IKZF1: variants seen among roughly 807,000 people sequenced by gnomAD.
IKZF1 encodes IKAROS family zinc finger 1, also known as DNA-binding protein Ikaros.
In IKZF1, 10 loss-of-function variants were observed where a neutral mutation model predicts 51.7. That is an observed-to-expected ratio of 0.19 (90% confidence interval 0.12 to 0.33). The LOEUF (loss-of-function observed/expected upper bound fraction) is 0.33. Among genes scored for constraint, IKZF1 ranks in the 10% least tolerant of loss-of-function variants. The probability of loss-of-function intolerance (pLI) is 1.00; values close to 1 mark genes in which losing one functional copy is unlikely to be tolerated. For missense variants in IKZF1, 484 were observed against 707.5 expected, an observed-to-expected ratio of 0.68 and a Z score of 3.58; for synonymous variants, 280 against 282.3, an observed-to-expected ratio of 0.99 and a Z score of 0.08.
At chr7:50,359,139 T>C (rs991351640) in intron 3 of IKZF1, among the ~76,000 whole-genome samples, 3 of 152,090 alleles carry the variant, frequency 2.0e-5, no homozygotes, top group Non-Finnish European at 2.9e-5. Context: ...CATATTCCAA[T>C]AGTTCCAGGC....
intron 3 of IKZF1, among the ~76,000 whole-genome samples, chr7:50,363,977 A>G (rs879749065): frequency 6.6e-6 from 1 of 152,266 alleles, no homozygotes; most frequent in African/African-American, 2.4e-5. Flanking sequence ...ATAATAGACT[A>G]GTGATCTCAC....
intron 3 of IKZF1, among the ~76,000 whole-genome samples, chr7:50,347,803 A>T (rs1160810706): frequency 2.6e-5 from 4 of 152,228 alleles, no homozygotes; most frequent in Non-Finnish European, 2.9e-5. Flanking sequence ...ATCGATACGG[A>T]AAGATTTCTT....
chr7:50,397,285 C>T (rs758206663), intron 7 of IKZF1, among the ~76,000 whole-genome samples: 4 of 152,200 alleles, frequency 2.6e-5, no homozygotes, highest in African/African-American at 9.7e-5. Context: ...CTATACATGA[C>T]ATGTTCCTTT....
chr7:50,358,712 C>G (rs1804271234), intron 3 of IKZF1, among the ~76,000 whole-genome samples: 1 of 152,026 alleles, frequency 6.6e-6, no homozygotes, highest in African/African-American at 2.4e-5. Context: ...ATAACATATG[C>G]CTAGCATTTA....
At chr7:50,319,946 G>T (rs963638514) in intron 2 of IKZF1, among the ~76,000 whole-genome samples, 1 of 152,194 alleles carries the variant, frequency 6.6e-6, no homozygotes, top group Admixed American at 6.5e-5. Flanking sequence ...GGACCTATGT[G>T]TGGCTGCTCC....
At chr7:50,342,984 C>G (rs1799416445) in intron 3 of IKZF1, among the ~76,000 whole-genome samples, 1 of 152,176 alleles carries the variant, frequency 6.6e-6, no homozygotes, top group East Asian at 1.9e-4. Context: ...TTTGCTTGCC[C>G]TTTTGTTTCT....
Position 50,400,076 on chromosome 7 carries a change from G to C in IKZF1, c.1009G>C (p.Gly337Arg). 5 of 1,584,626 alleles carry C rather than the reference G, an allele frequency of 3.2e-6. No individual in the cohort carries two copies. The highest frequency in any genetic ancestry group is 4.3e-6 in the Non-Finnish European group (5 of 1,167,414). ...CCCGCTGGTGCAGACGCCCCCGGGC[G>C]GTTCCGAGGTGGTCCCGGTCATCAG... ...LRPLVQTPPG[G>R]SEVVPVISPM... Residue 337 changes from glycine to arginine, a missense_variant, in exon 8 of 8, where the codon GGT becomes CGT. Gly to Arg is a moderately radical substitution (Grantham distance 125, BLOSUM62 -2). Transcript: ENST00000331340. This position sits in a 1 kb window ranked among gnomAD's most constrained non-coding sequence, Gnocchi z 5.4.
rs943633075 is a variant in IKZF1 at position 50,402,061 on chromosome 7, C to T, written c.*1434C>T. ...ACTGCAGGTGAGAACCCCGCCCATC[C>T]GTGCTATGACATGGAGGCACTGAAG... On this transcript the variant is annotated 3_prime_UTR_variant, in exon 8 of 8. Coordinates refer to ENST00000331340, the MANE Select transcript of IKZF1 (RefSeq NM_006060.6). The T allele has an allele frequency of 1.7e-5, 4 of 230,284 alleles. No individual in the cohort carries two copies. The highest frequency in any genetic ancestry group is 8.8e-5 in the African/African-American group (4 of 45,282). The allele number at this position is 230,284 out of a possible 1,614,324, so 14.3% of individuals were successfully genotyped here.
rs1301862364 is a variant in IKZF1, at chr7:50,400,585, G to C, written c.1518G>C (p.Ser506=). 1.9e-6 allele frequency: 3 copies of C among 1,613,180 alleles called. No individual in the cohort carries two copies. The South Asian group carries it at 3.3e-5, about 18-fold the overall frequency. ...GYHSQDRYEF[S]SHITRGEHRF... ...ACAGCCAGGACCGGTACGAGTTCTC[G>C]TCGCACATAACGCGAGGGGAGCACC... Residue 506 remains serine, a synonymous_variant, in exon 8 of 8, where the codon TCG becomes TCC. Transcript: ENST00000331340. The surrounding 1 kb of genome is among the most constrained non-coding windows in gnomAD (Gnocchi z 5.4).
chr7:50,388,370 A>G (rs989660520), intron 6 of IKZF1: 1 of 152,246 alleles, frequency 6.6e-6, no homozygotes, highest in African/African-American at 2.4e-5. Context: ...AAAAGGGAAA[A>G]TTCACCAGAG....
At position 50,319,658 on chromosome 7, in the gene IKZF1, G is replaced by A. The variant is rs1242834943; in HGVS notation, c.40+557G>A. The stretch of plus-strand genomic sequence containing the variant: ...TTTGGCAGCACTGAGGGTGGACGGC[G>A]AGCCAGTCCAACAAAACCGCACAGT... On this transcript the variant is annotated intron_variant, in intron 2 of 7. Coordinates refer to ENST00000331340, the MANE Select transcript of IKZF1 (RefSeq NM_006060.6). 2.0e-5 allele frequency among the ~76,000 whole-genome samples: 3 copies of A among 152,292 alleles called. 1 individual carries two copies. The highest frequency in any genetic ancestry group is 1.3e-4 in the Admixed American group (2 of 15,304).
chr7:50,322,915 T>C (rs1793801779), intron 2 of IKZF1, among the ~76,000 whole-genome samples: 1 of 152,182 alleles, frequency 6.6e-6, no homozygotes, highest in African/African-American at 2.4e-5. Flanking sequence ...AGATATTGGA[T>C]ATTGGTTTAA....
chr7:50,384,135 G>A (rs546722317), intron 5 of IKZF1, among the ~76,000 whole-genome samples: 1 of 152,346 alleles, frequency 6.6e-6, no homozygotes, highest in East Asian at 1.9e-4. Context: ...CATGCTGGAA[G>A]GCGAGTGTCT....
intron 3 of IKZF1, among the ~76,000 whole-genome samples, chr7:50,333,551 T>G (rs1796890759): frequency 6.6e-6 from 1 of 152,088 alleles, no homozygotes; most frequent in East Asian, 1.9e-4. Flanking sequence ...TAAACCCCAT[T>G]TTAGCTGGGG....
At chr7:50,324,748 T>C (rs1273441142) in intron 2 of IKZF1, among the ~76,000 whole-genome samples, 1 of 152,200 alleles carries the variant, frequency 6.6e-6, no homozygotes, top group Admixed American at 6.5e-5. Flanking sequence ...TTCTCATAGA[T>C]ACAGCAGTTA....
At chr7:50,364,304 T>G (rs1336529563) in intron 3 of IKZF1, among the ~76,000 whole-genome samples, 1 of 152,220 alleles carries the variant, frequency 6.6e-6, no homozygotes, top group Non-Finnish European at 1.5e-5. Context: ...AATTTGGCAA[T>G]TCAAATAGGA....
rs577630961 is a variant in IKZF1, at chr7:50,359,096, CA to C, written c.161-17430del. On this transcript the variant is annotated intron_variant, in intron 3 of 7. Transcript: ENST00000331340. Reference sequence around the variant, plus strand: ...GCAATATGGTAAAACCCTGTCTCTACAAAAAAATACAAAAATTAGCTGGGCA... The same window carrying C: ...GCAATATGGTAAAACCCTGTCTCTACAAAAAATACAAAAATTAGCTGGGCA... Among the ~76,000 whole-genome samples, 943 of 151,910 alleles carry C rather than the reference CA, an allele frequency of 6.2e-3. 3 individuals are homozygous for C. The highest frequency in any genetic ancestry group is 0.011 in the Non-Finnish European group (714 of 67,932).
intron 3 of IKZF1, chr7:50,368,536 G>T: frequency 5.2e-6 from 3 of 576,270 alleles, no homozygotes; most frequent in East Asian, 5.7e-5. Flanking sequence ...AGAGAAAATT[G>T]CAGGCCTCCA....
chr7:50,334,263 G>A (rs1029017609), intron 3 of IKZF1, among the ~76,000 whole-genome samples: 6 of 152,202 alleles, frequency 3.9e-5, no homozygotes, highest in African/African-American at 1.2e-4. Flanking sequence ...GTGAGATCAG[G>A]CAGCAGAAGT....
Sources: gnomAD v4.1 joint callset for allele counts (sites outside exome capture counted in the v4.1 genomes callset) on GRCh38, gnomAD v4.1.1 for gene constraint, Gnocchi (gnomAD v3.1) non-coding constraint, MANE v1.5 for transcripts, NCBI Gene and HGNC (gene_info 2026-07-23, HGNC 2026-07-21) for gene names.